PABPC4L: variants seen among roughly 807,000 people sequenced by gnomAD.
PABPC4L encodes poly(A) binding protein cytoplasmic 4 like.
For missense variants in PABPC4L, 452 were observed against 451.4 expected, an observed-to-expected ratio of 1.00 and a Z score of -0.01; for synonymous variants, 169 against 164.1, an observed-to-expected ratio of 1.03 and a Z score of -0.23.
the PABPC4L span, among the ~76,000 whole-genome samples, chr4:134,141,066 T>C: frequency 6.6e-6 from 1 of 151,764 alleles, no homozygotes; most frequent in Non-Finnish European, 1.5e-5. Context: ...ATAAAATTAT[T>C]TACTTCATTT....
At chr4:134,037,727 G>A in the PABPC4L span, among the ~76,000 whole-genome samples, 2 of 152,148 alleles carry the variant, frequency 1.3e-5, no homozygotes, top group Admixed American at 6.6e-5. Context: ...TTTAGGGTGA[G>A]ACGATGGGGT....
chr4:134,000,178 T>A, the PABPC4L span, among the ~76,000 whole-genome samples: 1 of 151,966 alleles, frequency 6.6e-6, no homozygotes, highest in Non-Finnish European at 1.5e-5. Context: ...AACTCACAAG[T>A]TAGTGGAAAT....
chr4:134,038,301 T>C, the PABPC4L span, among the ~76,000 whole-genome samples: 12 of 152,154 alleles, frequency 7.9e-5, no homozygotes, highest in African/African-American at 2.9e-4. Flanking sequence ...GTTGTGTCTC[T>C]GCCAGGTTTT....
chr4:134,123,392 T>C, the PABPC4L span, among the ~76,000 whole-genome samples: 1 of 152,056 alleles, frequency 6.6e-6, no homozygotes, highest in African/African-American at 2.4e-5. Flanking sequence ...AAGTAGATTA[T>C]AGCCTGAGAG....
At chr4:133,952,826 C>A in the PABPC4L span, among the ~76,000 whole-genome samples, 37 of 152,198 alleles carry the variant, frequency 2.4e-4, no homozygotes, top group African/African-American at 7.7e-4. Context: ...GTTTCTGCGT[C>A]GGGGACATAT....
the PABPC4L span, among the ~76,000 whole-genome samples, chr4:133,998,276 C>A: frequency 6.6e-6 from 1 of 151,606 alleles, no homozygotes; most frequent in African/African-American, 2.4e-5. Flanking sequence ...TGTATTAGGA[C>A]CTGATTTATT....
downstream of PABPC4L, among the ~76,000 whole-genome samples, chr4:134,194,429 C>T (rs1292053326): frequency 6.6e-6 from 1 of 151,730 alleles, no homozygotes; most frequent in African/African-American, 2.4e-5. Flanking sequence ...CTCTACCTTT[C>T]TCGGTCAAGG....
chr4:134,102,331 G>T, the PABPC4L span, among the ~76,000 whole-genome samples: 1 of 151,246 alleles, frequency 6.6e-6, no homozygotes, highest in Admixed American at 6.6e-5. Context: ...TCATAAAAGT[G>T]CTATGAAACT....
the PABPC4L span, among the ~76,000 whole-genome samples, chr4:134,145,051 C>T: frequency 3.3e-5 from 5 of 151,688 alleles, no homozygotes. Context: ...TGTTTGCAGA[C>T]CCAAATAAGT....
chr4:134,158,170 T>C, the PABPC4L span, among the ~76,000 whole-genome samples: 1 of 151,936 alleles, frequency 6.6e-6, no homozygotes, highest in African/African-American at 2.4e-5. Context: ...TGAAGTAATA[T>C]CTTTCACTCC....
the PABPC4L span, among the ~76,000 whole-genome samples, chr4:134,176,981 A>G: frequency 1.1e-4 from 16 of 152,154 alleles, no homozygotes; most frequent in African/African-American, 3.4e-4. Flanking sequence ...CACAACCCCA[A>G]TAGAGTCACC....
chr4:134,087,377 T>C, the PABPC4L span, among the ~76,000 whole-genome samples: 346 of 152,268 alleles, frequency 2.3e-3, 4 homozygotes, highest in South Asian at 8.7e-3. Context: ...TTCTCAAAAG[T>C]ATTTGACTCC....
the PABPC4L span, among the ~76,000 whole-genome samples, chr4:134,114,718 T>A: frequency 6.6e-6 from 1 of 151,866 alleles, no homozygotes; most frequent in African/African-American, 2.4e-5. Flanking sequence ...CAAAACCTAT[T>A]CAAACTTTTA....
At chr4:134,106,924 A>G in the PABPC4L span, among the ~76,000 whole-genome samples, 1 of 151,432 alleles carries the variant, frequency 6.6e-6, no homozygotes, top group Admixed American at 6.6e-5. Context: ...TTATATCATG[A>G]GCATACAGAG....
At chr4:134,097,095 A>T in the PABPC4L span, among the ~76,000 whole-genome samples, 2 of 151,952 alleles carry the variant, frequency 1.3e-5, no homozygotes, top group African/African-American at 4.8e-5. Flanking sequence ...GCTCATCAGA[A>T]TTTGATTACC....
the PABPC4L span, among the ~76,000 whole-genome samples, chr4:134,047,963 C>T: frequency 4.7e-3 from 714 of 152,096 alleles, 3 homozygotes; most frequent in African/African-American, 0.015. Flanking sequence ...AATTTTCTGA[C>T]GGCAAAGATG....
the PABPC4L span, among the ~76,000 whole-genome samples, chr4:134,019,837 T>G: frequency 3.6e-4 from 55 of 152,182 alleles, 1 homozygote; most frequent in East Asian, 0.01. Context: ...CCAAGATTGA[T>G]GAAAGAGACA....
At chr4:134,190,700 G>C in the PABPC4L span, among the ~76,000 whole-genome samples, 2 of 152,114 alleles carry the variant, frequency 1.3e-5, no homozygotes, top group African/African-American at 4.8e-5. Flanking sequence ...CACCCAGGCT[G>C]GAGAGGTGTG....
At chr4:134,147,640 A>T in the PABPC4L span, among the ~76,000 whole-genome samples, 2 of 152,066 alleles carry the variant, frequency 1.3e-5, no homozygotes, top group Non-Finnish European at 2.9e-5. Flanking sequence ...CTATCTTAAA[A>T]CAAATTATAC....
Sources: allele counts gnomAD v4.1 joint callset (sites outside exome capture counted in the v4.1 genomes callset), GRCh38; gene constraint gnomAD v4.1.1; transcripts MANE v1.5; gene names NCBI Gene and HGNC (gene_info 2026-07-23, HGNC 2026-07-21).